Variants in SLC5A4 observed in about 807,000 individuals in gnomAD.
The protein encoded by SLC5A4 is probable glucose sensor protein SLC5A4.
Under a neutral mutation model 70.3 loss-of-function variants are expected in SLC5A4, and 55 were observed. The observed-to-expected ratio is 0.78, with a 90% CI of 0.63 to 0.98. SLC5A4 has a LOEUF of 0.98. Ranked by LOEUF, SLC5A4 falls within the 50% of genes least tolerant of loss-of-function variation. The probability of loss-of-function intolerance (pLI) is 0.00; values close to 1 mark genes in which losing one functional copy is unlikely to be tolerated. For missense variants in SLC5A4, 735 were observed against 839.2 expected (o/e 0.88, Z 1.53); for synonymous variants, 268 against 305.7 (o/e 0.88, Z 1.29).
At chr22:32,328,127 ACACAC>A in the SLC5A4 span, among the ~76,000 whole-genome samples, 15 of 151,190 alleles carry the variant, frequency 9.9e-5, no homozygotes, top group African/African-American at 2.9e-4. Flanking sequence ...CCCAAAACAC[ACACAC>A]CAGACCCCAG....
the SLC5A4 span, among the ~76,000 whole-genome samples, chr22:32,291,216 T>TC: frequency 6.6e-6 from 1 of 150,490 alleles, no homozygotes; most frequent in East Asian, 1.9e-4. Flanking sequence ...CTTTTTTTTT[T>TC]TTTTTGAGAT....
chr22:32,332,449 C>T, the SLC5A4 span, among the ~76,000 whole-genome samples: 32 of 152,364 alleles, frequency 2.1e-4, no homozygotes, highest in Non-Finnish European at 3.4e-4. Flanking sequence ...CTCCGACAGG[C>T]TCATTCCTTT....
At chr22:32,279,319 A>G in the SLC5A4 span, among the ~76,000 whole-genome samples, 1 of 152,204 alleles carries the variant, frequency 6.6e-6, no homozygotes, top group Non-Finnish European at 1.5e-5. Flanking sequence ...ACTTGCTGCT[A>G]TAAAATTAAA....
chr22:32,322,386 G>T, the SLC5A4 span, among the ~76,000 whole-genome samples: 25 of 152,008 alleles, frequency 1.6e-4, no homozygotes, highest in Admixed American at 1.4e-3. Flanking sequence ...TCAGGAGTTC[G>T]AGACCAGCTC....
At chr22:32,327,657 G>GT in the SLC5A4 span, among the ~76,000 whole-genome samples, 1 of 152,208 alleles carries the variant, frequency 6.6e-6, no homozygotes, top group African/African-American at 2.4e-5. Flanking sequence ...CAGAGAGCAG[G>GT]TGTGGTGTGA....
At position 32,251,774 on chromosome 22, in the gene SLC5A4, C is replaced by T. The variant is rs1166277911; in HGVS notation, c.308G>A (p.Trp103Ter). The T allele has an allele frequency of 1.9e-6, 3 of 1,591,394 alleles. No homozygotes were observed. The highest frequency in any genetic ancestry group is 2.6e-6 in the Non-Finnish European group (3 of 1,159,320). Reference protein sequence around the residue: ...ASGVATVTFEWTSSVMLLILG... With the variant: ...ASGVATVTFE ...AAAGCCTATGATGTCACTTACAGTC[C>T]ATTCAAATGTTACGGTGGCGACTCC... The change falls in exon 3 of 15, where the codon TGG becomes TAG. Residue 103 changes from tryptophan (W) to a stop codon, truncating the protein, a stop_gained. Transcript: ENST00000266086. LOFTEE classifies it high-confidence loss of function.
At chr22:32,309,614 C>G in the SLC5A4 span, among the ~76,000 whole-genome samples, 1 of 152,084 alleles carries the variant, frequency 6.6e-6, no homozygotes, top group Non-Finnish European at 1.5e-5. Flanking sequence ...TGGGGACCCA[C>G]GGGGTTTTCA....
the SLC5A4 span, among the ~76,000 whole-genome samples, chr22:32,262,888 G>A: frequency 1.6e-3 from 243 of 151,868 alleles, no homozygotes; most frequent in African/African-American, 5.4e-3. Context: ...TCCTGCCTCA[G>A]CCTCGCGAGT....
rs1478802032 is a variant in SLC5A4 at position 32,254,231 on chromosome 22, C to T, written c.136-18G>A. The T allele has an allele frequency of 6.2e-7, 1 of 1,604,914 alleles. No homozygotes were observed. ...AGCATCGCCTGAGCAGAAGGGAAGA[C>T]AGGTGAGGGTCAAGCCCCAGCAAGT... On this transcript the variant is annotated intron_variant, in intron 1 of 14. Transcript: ENST00000266086.
chr22:32,319,326 G>A, the SLC5A4 span, among the ~76,000 whole-genome samples: 4 of 150,212 alleles, frequency 2.7e-5, no homozygotes, highest in Non-Finnish European at 5.9e-5. Flanking sequence ...TCAGGCCATC[G>A]ACTCACACTG....
At chr22:32,351,767 T>TGGGGGGAGGGCGGGGGGGGGGGCG in the SLC5A4 span, among the ~76,000 whole-genome samples, 1 of 36,674 alleles carries the variant, frequency 2.7e-5, no homozygotes, top group Non-Finnish European at 5.9e-5. Flanking sequence ...GGTGGGCGGG[T>TGGGGGGAGGGCGGGGGGGGGGGCG]GGAATACAAT....
At chr22:32,327,555 C>G in the SLC5A4 span, 1 of 152,440 alleles carries the variant, frequency 6.6e-6, no homozygotes, top group Admixed American at 6.5e-5. Flanking sequence ...ACCAGATCTT[C>G]TCAATGGTGG....
the SLC5A4 span, among the ~76,000 whole-genome samples, chr22:32,345,140 T>C: frequency 1.3e-5 from 2 of 152,246 alleles, no homozygotes; most frequent in Admixed American, 6.5e-5. Context: ...GGCAAATTTG[T>C]ATAGAACATT....
At chr22:32,285,822 C>T in the SLC5A4 span, among the ~76,000 whole-genome samples, 22 of 151,962 alleles carry the variant, frequency 1.4e-4, no homozygotes, top group Admixed American at 5.9e-4. Flanking sequence ...CTGCAAGCTC[C>T]GCCTCCCGGG....
At position 32,254,325 on chromosome 22, in the gene SLC5A4, A is replaced by G; in HGVS notation, c.136-112T>C. 4.1e-6 allele frequency: 3 copies of G among 727,080 alleles called. No homozygotes were observed. The South Asian group carries it at 4.6e-5, about 11-fold the overall frequency. The allele number at this position is 727,080 out of a possible 1,614,324, so 45.0% of individuals were successfully genotyped here. On this transcript the variant is annotated intron_variant, in intron 1 of 14. Coordinates refer to ENST00000266086, the MANE Select transcript of SLC5A4 (RefSeq NM_014227.3). ...GTGACTTCAGCACTCCTACAGAGAG[A>G]AACATTTCGCTGGAAAGTGTTCTAT... is the stretch of plus-strand genomic sequence containing the variant.
the SLC5A4 span, among the ~76,000 whole-genome samples, chr22:32,351,416 C>T: frequency 1.3e-5 from 2 of 151,706 alleles, no homozygotes; most frequent in Admixed American, 6.6e-5. Context: ...TAAAATACAA[C>T]ACACTGGGCC....
the SLC5A4 span, among the ~76,000 whole-genome samples, chr22:32,285,717 ATTTTAT>A: frequency 0.022 from 1,769 of 79,944 alleles, 41 homozygotes; most frequent in African/African-American, 0.076. Context: ...TTTTATTTTT[ATTTTAT>A]TTTATTTTTT....
the SLC5A4 span, among the ~76,000 whole-genome samples, chr22:32,305,744 C>T: frequency 7.7e-5 from 10 of 129,670 alleles, 1 homozygote; most frequent in South Asian, 1.0e-3. Context: ...GTTACTCTGT[C>T]CCCTTGCCTA....
intron 5 of SLC5A4, among the ~76,000 whole-genome samples, chr22:32,244,337 G>A (rs1926699263): frequency 6.6e-6 from 1 of 152,234 alleles, no homozygotes. Flanking sequence ...CACTCATACT[G>A]CTTTATCCTC....
Sources: allele counts gnomAD v4.1 joint callset (sites outside exome capture counted in the v4.1 genomes callset), GRCh38; gene constraint gnomAD v4.1.1; transcripts MANE v1.5; gene names NCBI Gene and HGNC (gene_info 2026-07-23, HGNC 2026-07-21).